ATP8A2: variants seen among roughly 807,000 people sequenced by gnomAD.
The protein encoded by ATP8A2 is phospholipid-transporting ATPase IB.
Under a neutral mutation model 165.6 loss-of-function variants are expected in ATP8A2, and 100 were observed. That is an observed-to-expected ratio of 0.60 (90% CI 0.51 to 0.71). The LOEUF (loss-of-function observed/expected upper bound fraction) is 0.71, where lower values mean the gene tolerates loss of function less well. Among genes scored for constraint, ATP8A2 ranks in the 30% least tolerant of loss-of-function variants. ATP8A2 has a pLI of 0.00. For missense variants in ATP8A2, 1,227 were observed against 1,479.5 expected (o/e 0.83, Z 2.80); for synonymous variants, 543 against 548.8 (o/e 0.99, Z 0.15).
chr13:25,936,387 T>G lies in ATP8A2; in HGVS notation c.3184-25188T>G, dbSNP rs114892267. ...GAGTGTCTGCGGAAGTCATTCATTG[T>G]GGAGACGCAGACAGGCCCTGCAGAG... On this transcript the variant is annotated intron_variant, in intron 33 of 36. Transcript: ENST00000381655. Among the ~76,000 whole-genome samples, 1,070 of 152,328 alleles carry G rather than the reference T, an allele frequency of 7.0e-3. 20 individuals are homozygous for G. The highest frequency in any genetic ancestry group is 0.024 in the African/African-American group (1,016 of 41,568).
intron 2 of ATP8A2, among the ~76,000 whole-genome samples, chr13:25,476,231 C>A (rs2035990838): frequency 6.6e-6 from 1 of 151,982 alleles, no homozygotes; most frequent in Non-Finnish European, 1.5e-5. Context: ...GGTCTTAATG[C>A]ACAAGCTGCT....
intron 1 of ATP8A2, among the ~76,000 whole-genome samples, chr13:25,413,724 C>T (rs923119754): frequency 1.6e-4 from 25 of 152,066 alleles, no homozygotes; most frequent in Admixed American, 5.2e-4. Context: ...AAGTTACCAG[C>T]GATTTAGAGG....
intron 30 of ATP8A2, among the ~76,000 whole-genome samples, chr13:25,854,432 C>A (rs1416111364): frequency 6.6e-6 from 1 of 152,138 alleles, no homozygotes; most frequent in Admixed American, 6.5e-5. Context: ...ACTTCCTGGG[C>A]TTAAGGAATC....
chr13:25,720,974 T>C (rs2043367660), intron 25 of ATP8A2, among the ~76,000 whole-genome samples: 1 of 150,874 alleles, frequency 6.6e-6, no homozygotes, highest in Non-Finnish European at 1.5e-5. Flanking sequence ...TTTTTTTTTT[T>C]TTTTTTCCTG....
At chr13:25,881,137 AT>A (rs938351325) in intron 33 of ATP8A2, among the ~76,000 whole-genome samples, 4 of 151,352 alleles carry the variant, frequency 2.6e-5, no homozygotes, top group East Asian at 1.9e-4. Flanking sequence ...TTTGGGGGGC[AT>A]TTTTTTTTCT....
intron 35 of ATP8A2, among the ~76,000 whole-genome samples, chr13:26,008,606 C>G (rs1470669907): frequency 6.6e-6 from 1 of 152,106 alleles, no homozygotes; most frequent in African/African-American, 2.4e-5. Flanking sequence ...CAGACCTGAG[C>G]AGCTGAACAG....
chr13:25,471,824 G>A (rs1433057514), intron 2 of ATP8A2, among the ~76,000 whole-genome samples: 1 of 152,314 alleles, frequency 6.6e-6, no homozygotes, highest in South Asian at 2.1e-4. Flanking sequence ...TGTACAGTGG[G>A]TTGGTGAGGA....
intron 1 of ATP8A2, among the ~76,000 whole-genome samples, chr13:25,417,472 C>G (rs952221889): frequency 1.2e-5 from 1 of 82,478 alleles, no homozygotes; most frequent in Non-Finnish European, 2.6e-5. Flanking sequence ...ACCTGTAAGT[C>G]TATTCATTTA....
chr13:26,007,513 A>G (rs572856380), intron 35 of ATP8A2, among the ~76,000 whole-genome samples: 12 of 152,360 alleles, frequency 7.9e-5, no homozygotes, highest in African/African-American at 2.9e-4. Context: ...CTTGTTCTGT[A>G]GACATGGTGT....
chr13:25,600,541 C>T (rs3121588), intron 24 of ATP8A2, among the ~76,000 whole-genome samples: 75,002 of 151,992 alleles, frequency 0.49, 20,202 homozygotes, highest in Admixed American at 0.61. Flanking sequence ...AGCCAGCGAG[C>T]CCTAGAGAGG....
Position 25,399,725 on chromosome 13 carries a change from T to TTCCTCTTTCTCCTTC in ATP8A2, c.76+27444_76+27445insTCTCCTTCTCCTCTT, listed in dbSNP as rs1555264942. ...CCCGTGGTTCTTCTTTTTCTTCTCC[T>TTCCTCTTTCTCCTTC]TCCTCTTCCTCCTTCTCCTCTTCCT... On this transcript the variant is annotated intron_variant, in intron 1 of 36. Transcript: ENST00000381655. 7.5e-4 allele frequency among the ~76,000 whole-genome samples: 112 copies of TTCCTCTTTCTCCTTC among 148,414 alleles called. 1 individual carries two copies. The highest frequency in any genetic ancestry group is 2.6e-3 in the African/African-American group (105 of 40,998).
At chr13:25,754,540 A>G (rs1374962999) in intron 25 of ATP8A2, among the ~76,000 whole-genome samples, 1 of 152,138 alleles carries the variant, frequency 6.6e-6, no homozygotes, top group Admixed American at 6.5e-5. Context: ...CCTTCAATTT[A>G]GAAGAACTCT....
intron 24 of ATP8A2, among the ~76,000 whole-genome samples, chr13:25,686,286 G>A (rs531057048): frequency 9.8e-5 from 15 of 152,310 alleles, no homozygotes; most frequent in South Asian, 6.2e-4. Context: ...GAGCGGATGC[G>A]TCACGGGCCT....
intron 15 of ATP8A2, 79 bp from the exon 16 acceptor site, chr13:25,563,877 A>G: frequency 1.0e-6 from 1 of 967,158 alleles, no homozygotes; most frequent in Non-Finnish European, 1.7e-6. Flanking sequence ...GTTCTTCTTG[A>G]AGGCAGATTC....
At chr13:25,482,764 A>C (rs142485796) in intron 2 of ATP8A2, among the ~76,000 whole-genome samples, 94 of 152,308 alleles carry the variant, frequency 6.2e-4, no homozygotes, top group African/African-American at 2.2e-3. Flanking sequence ...TGGTTTTATC[A>C]GGGGTTTCCA....
intron 26 of ATP8A2, among the ~76,000 whole-genome samples, 154 bp from the exon 27 acceptor site, chr13:25,774,695 A>G (rs1222066295): frequency 6.6e-6 from 1 of 152,190 alleles, no homozygotes; most frequent in Non-Finnish European, 1.5e-5. Flanking sequence ...CTGGGCCTGA[A>G]AGCTCTGTCT....
intron 28 of ATP8A2, among the ~76,000 whole-genome samples, chr13:25,830,900 T>C (rs1158921056): frequency 6.6e-6 from 1 of 152,206 alleles, no homozygotes; most frequent in East Asian, 1.9e-4. Context: ...AGTATAATGA[T>C]CAAATCTGAA....
At chr13:25,390,295 A>AT (rs1160225681) in intron 1 of ATP8A2, among the ~76,000 whole-genome samples, 1 of 152,002 alleles carries the variant, frequency 6.6e-6, no homozygotes, top group East Asian at 1.9e-4. Context: ...TGCCCAGCCC[A>AT]TTTTTTTGGC....
intron 15 of ATP8A2, among the ~76,000 whole-genome samples, chr13:25,563,417 A>AG (rs1051464913): frequency 6.6e-6 from 1 of 151,818 alleles, no homozygotes; most frequent in Non-Finnish European, 1.5e-5. Context: ...CTCAAAAAAA[A>AG]AAATTTCAGG....
Sources: allele counts gnomAD v4.1 joint callset (sites outside exome capture counted in the v4.1 genomes callset), GRCh38; gene constraint gnomAD v4.1.1; transcripts MANE v1.5; gene names NCBI Gene and HGNC (gene_info 2026-07-23, HGNC 2026-07-21).